The following PCDH15 variants were observed in gnomAD, a reference collection of about 807,000 sequenced individuals.
The protein encoded by PCDH15 is protocadherin-15.
PCDH15 carries 129 observed loss-of-function variants against 178.5 expected under a neutral mutation model. The observed-to-expected ratio is 0.72, with a 90% CI of 0.63 to 0.84. The LOEUF is 0.84. Ranked by LOEUF, PCDH15 falls within the 40% of genes least tolerant of loss-of-function variation. The pLI, the probability that PCDH15 is intolerant of heterozygous loss-of-function variation, is 0.00. For synonymous variants in PCDH15, 800 were observed against 732.0 expected (o/e 1.09, Z -1.50); for missense variants, 2,230 against 2,099.9 (o/e 1.06, Z -1.21).
chr10:54,859,595 T>C (rs966270682), intron 3 of PCDH15, among the ~76,000 whole-genome samples: 3 of 152,058 alleles, frequency 2.0e-5, no homozygotes, highest in Non-Finnish European at 4.4e-5. Context: ...TCAGGCAGTT[T>C]CATTTGTTCA....
At chr10:54,146,976 G>C in intron 14 of PCDH15, among the ~76,000 whole-genome samples, 1 of 141,462 alleles carries the variant, frequency 7.1e-6, no homozygotes. Flanking sequence ...TATATATATA[G>C]TGTATATATA....
At chr10:54,679,201 A>C (rs944432824) in intron 1 of PCDH15, among the ~76,000 whole-genome samples, 8 of 151,710 alleles carry the variant, frequency 5.3e-5, no homozygotes, top group Admixed American at 3.9e-4. Flanking sequence ...AAAAAAAAAA[A>C]AAAAAAAAAA....
At chr10:55,398,665 C>T (rs1837987423) in intron 2 of PCDH15, among the ~76,000 whole-genome samples, 1 of 152,080 alleles carries the variant, frequency 6.6e-6, no homozygotes, top group Non-Finnish European at 1.5e-5. Context: ...TTTTATTTCC[C>T]TTTCATTGCA....
intron 26 of PCDH15, among the ~76,000 whole-genome samples, chr10:53,885,652 A>G (rs2081041215): frequency 6.6e-6 from 1 of 152,180 alleles, no homozygotes; most frequent in South Asian, 2.1e-4. Context: ...TGGTGCTAAG[A>G]TAATACTACT....
At chr10:54,215,333 G>A (rs763342012) in intron 9 of PCDH15, among the ~76,000 whole-genome samples, 1 of 88,044 alleles carries the variant, frequency 1.1e-5, no homozygotes, top group Non-Finnish European at 2.5e-5. Context: ...CTACTGGGCA[G>A]TAAATGAGGG....
intron 4 of PCDH15, among the ~76,000 whole-genome samples, chr10:54,375,846 ATAATATATAAATAAAAATATATTTTT>A (rs1565118553): frequency 0.014 from 2,031 of 140,788 alleles, 65 homozygotes; most frequent in African/African-American, 0.043. Context: ...ATATATATAT[ATAATATATAAATAAAAATATATTTTT>A]GAAACGGAAT....
chr10:54,995,580 G>A (rs893118978), intron 2 of PCDH15, among the ~76,000 whole-genome samples: 2 of 151,272 alleles, frequency 1.3e-5, no homozygotes, highest in Non-Finnish European at 2.9e-5. Flanking sequence ...CAACTGTCCC[G>A]TAGAACTGAT....
chr10:53,994,850 A>C (rs1362070026), intron 21 of PCDH15: 1 of 152,128 alleles, frequency 6.6e-6, no homozygotes, highest in Non-Finnish European at 1.5e-5. Context: ...AAGAAATACT[A>C]TTTATATTAG....
intron 5 of PCDH15, among the ~76,000 whole-genome samples, chr10:54,347,423 A>G (rs1276447208): frequency 1.3e-5 from 2 of 152,082 alleles, no homozygotes; most frequent in Non-Finnish European, 2.9e-5. Context: ...TTGCATTGTT[A>G]GAGGAACTAA....
At chr10:54,214,082 G>T in intron 9 of PCDH15, 34 bp from the exon 10 acceptor site, 1 of 1,165,176 alleles carries the variant, frequency 8.6e-7, no homozygotes, top group South Asian at 1.2e-5. Context: ...ACATAATTGA[G>T]AACAATAAGT....
chr10:55,085,624 C>T (rs1478677085), intron 2 of PCDH15, among the ~76,000 whole-genome samples: 1 of 151,692 alleles, frequency 6.6e-6, no homozygotes, highest in African/African-American at 2.4e-5. Context: ...ACATCTACTA[C>T]ATACCCATAT....
intron 2 of PCDH15, among the ~76,000 whole-genome samples, chr10:55,053,780 A>G (rs1040895602): frequency 3.9e-5 from 6 of 152,256 alleles, no homozygotes; most frequent in African/African-American, 1.4e-4. Context: ...GAAAGTGTCC[A>G]GCACACTGTT....
At chr10:53,848,488 C>T (rs2078126007) in intron 28 of PCDH15, among the ~76,000 whole-genome samples, 1 of 151,956 alleles carries the variant, frequency 6.6e-6, no homozygotes, top group Non-Finnish European at 1.5e-5. Flanking sequence ...GATTATAATA[C>T]AAGTTAAGAT....
intron 1 of PCDH15, among the ~76,000 whole-genome samples, chr10:54,685,613 A>G (rs1420753735): frequency 6.6e-6 from 1 of 152,196 alleles, no homozygotes; most frequent in East Asian, 1.9e-4. Context: ...ACAAATGTAC[A>G]GATGCTCATC....
intron 25 of PCDH15, among the ~76,000 whole-genome samples, chr10:53,929,895 A>T (rs2926395): frequency 6.6e-6 from 1 of 152,164 alleles, no homozygotes; most frequent in Non-Finnish European, 1.5e-5. Flanking sequence ...AAAAATTGCC[A>T]CTTCAATTAT....
intron 2 of PCDH15, among the ~76,000 whole-genome samples, chr10:55,028,957 A>T: frequency 7.4e-6 from 1 of 135,364 alleles, no homozygotes; most frequent in East Asian, 2.4e-4. Context: ...CATTTACTTA[A>T]CCATTTTAAA....
At chr10:55,615,838 T>C (rs1916524) in intron 2 of PCDH15, among the ~76,000 whole-genome samples, 92,992 of 152,052 alleles carry the variant, frequency 0.61, 29,221 homozygotes, top group African/African-American at 0.68. Context: ...GTTGAGTCTG[T>C]AGTGAGCTAT....
intron 1 of PCDH15, among the ~76,000 whole-genome samples, chr10:54,776,071 T>C (rs1429265221): frequency 6.6e-6 from 1 of 152,182 alleles, no homozygotes; most frequent in African/African-American, 2.4e-5. Flanking sequence ...CATAATTTCC[T>C]CCAGTTCCAT....
At chr10:54,383,904 T>G (rs971287354) in intron 3 of PCDH15, among the ~76,000 whole-genome samples, 11 of 151,878 alleles carry the variant, frequency 7.2e-5, no homozygotes, top group Admixed American at 4.6e-4. Context: ...CTGCAACCTC[T>G]GTTTCCTGGG....
Sources: gnomAD v4.1 joint callset for allele counts (sites outside exome capture counted in the v4.1 genomes callset) on GRCh38, gnomAD v4.1.1 for gene constraint, MANE v1.5 for transcripts, NCBI Gene and HGNC (gene_info 2026-07-23, HGNC 2026-07-21) for gene names.